CTDP1: variants seen among roughly 807,000 people sequenced by gnomAD.
CTDP1 encodes the protein CTD phosphatase 1, also known as RNA polymerase II subunit A C-terminal domain phosphatase.
CTDP1 carries 47 observed loss-of-function variants against 91.8 expected under a neutral mutation model. The observed-to-expected ratio is 0.51, with a 90% CI of 0.41 to 0.65. The LOEUF is 0.65. Among genes scored for constraint, CTDP1 ranks in the 30% least tolerant of loss-of-function variants. The pLI is 0.00. For synonymous variants in CTDP1, 656 were observed against 598.5 expected (o/e 1.10, Z -1.40); for missense variants, 1,272 against 1,373.7 (o/e 0.93, Z 1.17).
chr18:79,751,791 G>A (rs2087008351), intron 12 of CTDP1, among the ~76,000 whole-genome samples: 1 of 152,182 alleles, frequency 6.6e-6, no homozygotes, highest in Admixed American at 6.5e-5. Context: ...GTGTGTGGCT[G>A]TATCACACAT....
Position 79,736,310 on chromosome 18 carries a change from G to C in CTDP1, c.2581-45G>C, listed in dbSNP as rs202099805. The C allele has an allele frequency of 2.3e-4, 350 of 1,548,474 alleles. 4 individuals are homozygous for C. In the East Asian group the frequency reaches 6.5e-3, roughly 29 times the overall value. On this transcript the variant is annotated intron_variant, in intron 11 of 12. Transcript: ENST00000613122. ...GGGAGAAGCCTGTTGCGGAGGAACG[G>C]GGCCCGGGAAGGAGGTCTGTCGCTG...
intron 10 of CTDP1, among the ~76,000 whole-genome samples, chr18:79,727,477 T>C (rs2086474613): frequency 1.3e-5 from 2 of 152,124 alleles, no homozygotes; most frequent in African/African-American, 2.4e-5. Flanking sequence ...AAGCGCGGCT[T>C]TCGCGGGGTG....
chr18:79,734,006 C>T (rs1012528991), intron 11 of CTDP1, among the ~76,000 whole-genome samples: 26 of 152,310 alleles, frequency 1.7e-4, no homozygotes, highest in East Asian at 1.9e-4. Flanking sequence ...TAAATACAAA[C>T]GACCCTCAAC....
intron 5 of CTDP1, among the ~76,000 whole-genome samples, chr18:79,710,137 C>T (rs1226920878): frequency 6.6e-6 from 1 of 152,130 alleles, no homozygotes; most frequent in Non-Finnish European, 1.5e-5. Context: ...CACTTATCAA[C>T]ATGGTTTGTG....
intron 6 of CTDP1, 47 bp from the exon 7 acceptor site, chr18:79,712,925 C>G (rs367630262): frequency 3.4e-5 from 55 of 1,595,878 alleles, no homozygotes; most frequent in Non-Finnish European, 4.6e-5. Flanking sequence ...TGAATGACTA[C>G]AACTTTTCAT....
chr18:79,688,445 A>G (rs1205393373), intron 1 of CTDP1, among the ~76,000 whole-genome samples: 1 of 152,194 alleles, frequency 6.6e-6, no homozygotes, highest in Non-Finnish European at 1.5e-5. Flanking sequence ...TTGTATTTTT[A>G]GTAGAGACAG....
intron 10 of CTDP1, among the ~76,000 whole-genome samples, chr18:79,727,348 C>T (rs1413212164): frequency 2.0e-5 from 3 of 151,944 alleles, no homozygotes; most frequent in African/African-American, 7.3e-5. Context: ...GCGGTGTTCG[C>T]GGGATGGGAA....
Position 79,715,192 on chromosome 18 carries a change from G to A in CTDP1, c.1732G>A (p.Glu578Lys), listed in dbSNP as rs1160806100. 6.2e-7 allele frequency: 1 copy of A among 1,611,122 alleles called. No individual in the cohort carries two copies. Among genetic ancestry groups the A allele is most frequent in the Non-Finnish European group, 8.5e-7 (1 of 1,178,616 alleles). Residue 578 changes from glutamate (E) to lysine (K), a missense_variant, in exon 8 of 13, where the codon GAG (glutamate) becomes AAG (lysine). Transcript: ENST00000613122. The stretch of plus-strand genomic sequence containing the variant: ...TGAGTCCCTGGACCAGAGCATGGAG[G>A]AGGAGGAGGAGGAGGACACGGATGA... ...AGESLDQSME[E>K]EEEEDTDEDD...
intron 10 of CTDP1, among the ~76,000 whole-genome samples, chr18:79,727,728 C>T (rs2086479714): frequency 6.6e-6 from 1 of 152,126 alleles, no homozygotes; most frequent in Non-Finnish European, 1.5e-5. Flanking sequence ...TGGGTTTTAT[C>T]ACCTTCATCC....
chr18:79,717,775 C>T, intron 9 of CTDP1, 35 bp from the exon 10 acceptor site: 1 of 1,613,756 alleles, frequency 6.2e-7, no homozygotes, highest in Non-Finnish European at 8.5e-7. Context: ...CACCCGGACG[C>T]CCCGCTCATG....
At chr18:79,734,490 C>T (rs2086627442) in intron 11 of CTDP1, among the ~76,000 whole-genome samples, 1 of 152,248 alleles carries the variant, frequency 6.6e-6, no homozygotes, top group African/African-American at 2.4e-5. Context: ...AACGTACCTC[C>T]AGATCTTCCA....
intron 11 of CTDP1, among the ~76,000 whole-genome samples, chr18:79,732,024 T>G (rs547543787): frequency 1.3e-5 from 2 of 148,280 alleles, no homozygotes; most frequent in African/African-American, 5.1e-5. Context: ...CTCACTAACA[T>G]CAGGAGTGCT....
At chr18:79,681,349 A>G in intron 1 of CTDP1, 1 of 607,934 alleles carries the variant, frequency 1.6e-6, no homozygotes, top group Non-Finnish European at 2.1e-6. Context: ...CTCCCAGAAA[A>G]TGCCTTCACG....
intron 3 of CTDP1, 130 bp from the exon 4 acceptor site, chr18:79,697,730 C>G: frequency 7.3e-7 from 1 of 1,374,922 alleles, no homozygotes; most frequent in Non-Finnish European, 1.0e-6. Flanking sequence ...GCCTGTACGG[C>G]GCAGTCCATG....
chr18:79,754,981 C>T (rs2087073850), downstream of CTDP1: 1 of 152,258 alleles, frequency 6.6e-6, no homozygotes, highest in South Asian at 2.1e-4. Context: ...GACCACAGCT[C>T]GGGAGGTGGC....
At chr18:79,749,999 T>C (rs534508688) in intron 12 of CTDP1, 9 of 152,330 alleles carry the variant, frequency 5.9e-5, no homozygotes, top group South Asian at 2.1e-4. Flanking sequence ...AACTCGTGTA[T>C]GATACGCCTG....
intron 8 of CTDP1, among the ~76,000 whole-genome samples, chr18:79,716,094 C>T (rs1456718986): frequency 3.9e-5 from 6 of 152,140 alleles, no homozygotes; most frequent in Non-Finnish European, 8.8e-5. Flanking sequence ...CTTAACACCC[C>T]GGTGCTTAAA....
chr18:79,688,279 T>G (rs2085548622), intron 1 of CTDP1, among the ~76,000 whole-genome samples: 1 of 152,232 alleles, frequency 6.6e-6, no homozygotes, highest in Non-Finnish European at 1.5e-5. Context: ...TGTTTTTTGT[T>G]TTGAGATGAA....
intron 12 of CTDP1, among the ~76,000 whole-genome samples, chr18:79,753,410 C>T (rs141074367): frequency 3.5e-4 from 53 of 152,226 alleles, no homozygotes; most frequent in African/African-American, 1.1e-3. Flanking sequence ...CAGGTGAACA[C>T]CTGCTTTGTC....
Sources: gnomAD v4.1 joint callset for allele counts (sites outside exome capture counted in the v4.1 genomes callset) on GRCh38, gnomAD v4.1.1 for gene constraint, MANE v1.5 for transcripts, NCBI Gene and HGNC (gene_info 2026-07-23, HGNC 2026-07-21) for gene names.